PFDN1: variants seen among roughly 807,000 people sequenced by gnomAD.
PFDN1 encodes prefoldin subunit 1.
In PFDN1, 6 loss-of-function variants were observed where a neutral mutation model predicts 17.3. The ratio of observed to expected loss-of-function variants is 0.35; its 90% CI spans 0.19 to 0.69. The LOEUF (loss-of-function observed/expected upper bound fraction) is 0.69. PFDN1 is among the 30% of genes least tolerant of loss of function. The probability of loss-of-function intolerance (pLI) is 0.65; values close to 1 mark genes in which losing one functional copy is unlikely to be tolerated. For synonymous variants in PFDN1, 58 were observed against 50.1 expected (o/e 1.16, Z -0.67); for missense variants, 113 against 146.2 (o/e 0.77, Z 1.17).
Position 140,263,419 on chromosome 5 carries a change from A to C in PFDN1, c.286-17362T>G, listed in dbSNP as rs188680134. Among the ~76,000 whole-genome samples the C allele has an allele frequency of 7.2e-4, 110 of 152,330 alleles. No individual in the cohort carries two copies. In the Middle Eastern group the frequency reaches 0.02, roughly 28 times the overall value. ...TCAACCTAATCTTTACTAATATTAA[A>C]GGTAAAATATATAAAAAGATGGAAT... is the stretch of plus-strand genomic sequence containing the variant. On this transcript the variant is annotated intron_variant, in intron 3 of 3. Coordinates refer to ENST00000261813, the MANE Select transcript of PFDN1 (RefSeq NM_002622.5).
chr5:140,266,855 CTAT>C (rs1340493198), intron 3 of PFDN1, among the ~76,000 whole-genome samples: 20 of 152,362 alleles, frequency 1.3e-4, no homozygotes, highest in Admixed American at 1.2e-3. Context: ...AGAGCTGCTT[CTAT>C]TATTATGAAG....
intron 3 of PFDN1, among the ~76,000 whole-genome samples, chr5:140,255,373 T>C (rs925001016): frequency 2.0e-5 from 3 of 152,188 alleles, no homozygotes; most frequent in African/African-American, 7.2e-5. Context: ...GGGAAGGAGT[T>C]TGAGACCAGC....
rs1765679359 is a variant in PFDN1 at position 140,298,023 on chromosome 5, AT to A, written c.200+2392del. ...AATTATCCTGTAGTGAATGCCAACA[AT>A]GCATTTCATACTACACAGACACATA... On this transcript the variant is annotated intron_variant, in intron 2 of 3. Coordinates refer to ENST00000261813, the MANE Select transcript of PFDN1 (RefSeq NM_002622.5). Among the ~76,000 whole-genome samples, 10 of 152,334 alleles carry A rather than the reference AT, an allele frequency of 6.6e-5. No individual in the cohort carries two copies. In the South Asian group the frequency reaches 2.1e-3, roughly 32 times the overall value.
chr5:140,255,521 C>T (rs1044944965), intron 3 of PFDN1, among the ~76,000 whole-genome samples: 4 of 152,084 alleles, frequency 2.6e-5, no homozygotes, highest in Admixed American at 1.3e-4. Context: ...TGTCTGTAGC[C>T]CCAGCTACTC....
chr5:140,259,970 T>C (rs1206307577), intron 3 of PFDN1, among the ~76,000 whole-genome samples: 1 of 152,172 alleles, frequency 6.6e-6, no homozygotes, highest in East Asian at 1.9e-4. Context: ...TGAAAAGCTG[T>C]TCAACATTAT....
chr5:140,250,258 T>G (rs1461608184), intron 3 of PFDN1, among the ~76,000 whole-genome samples: 1 of 152,150 alleles, frequency 6.6e-6, no homozygotes, highest in Non-Finnish European at 1.5e-5. Flanking sequence ...CTCCAACAAC[T>G]CTTCCCCGTC....
intron 3 of PFDN1, among the ~76,000 whole-genome samples, chr5:140,249,289 T>C (rs1023408589): frequency 7.2e-5 from 11 of 152,188 alleles, no homozygotes; most frequent in Admixed American, 1.3e-4. Context: ...ATCATTAGTG[T>C]CCAAACAAGA....
chr5:140,253,446 C>G (rs1764944447), intron 3 of PFDN1, among the ~76,000 whole-genome samples: 2 of 152,158 alleles, frequency 1.3e-5, no homozygotes, highest in South Asian at 4.1e-4. Flanking sequence ...CTTCAAACAA[C>G]AGTGTTTAGC....
intron 3 of PFDN1, among the ~76,000 whole-genome samples, chr5:140,277,141 A>C (rs2126690049): frequency 6.6e-6 from 1 of 151,698 alleles, no homozygotes; most frequent in South Asian, 2.1e-4. Context: ...CAGGAGAATC[A>C]CTTGTACCCA....
At chr5:140,247,617 G>T (rs1047656300) in intron 3 of PFDN1, among the ~76,000 whole-genome samples, 6 of 152,170 alleles carry the variant, frequency 3.9e-5, no homozygotes, top group Admixed American at 6.5e-5. Context: ...AAGTTGCAGA[G>T]AATTCCTTGG....
At chr5:140,273,160 G>T (rs529248557) in intron 3 of PFDN1, among the ~76,000 whole-genome samples, 1 of 150,984 alleles carries the variant, frequency 6.6e-6, no homozygotes, top group Non-Finnish European at 1.5e-5. Context: ...CAGAAGAATC[G>T]CTTGAACCCA....
intron 2 of PFDN1, among the ~76,000 whole-genome samples, chr5:140,287,878 A>G (rs937991228): frequency 6.6e-6 from 1 of 152,254 alleles, no homozygotes; most frequent in African/African-American, 2.4e-5. Flanking sequence ...AAATAAAATT[A>G]TGAGATACTG....
intron 3 of PFDN1, among the ~76,000 whole-genome samples, chr5:140,251,869 T>G (rs1020081921): frequency 2.0e-5 from 3 of 152,170 alleles, no homozygotes; most frequent in Non-Finnish European, 4.4e-5. Flanking sequence ...CCCTAGAACT[T>G]TTCTGACATG....
intron 2 of PFDN1, among the ~76,000 whole-genome samples, chr5:140,282,782 C>T (rs1561511497): frequency 6.6e-6 from 1 of 152,194 alleles, no homozygotes; most frequent in African/African-American, 2.4e-5. Context: ...ATTTCCCCTC[C>T]ACTGGAACCA....
rs140708028 is a variant in PFDN1 at position 140,245,049 on chromosome 5, C to T, written c.*925G>A. 455 of 195,808 alleles carry T rather than the reference C, an allele frequency of 2.3e-3. 2 individuals are homozygous for T. Among genetic ancestry groups the T allele is most frequent in the Non-Finnish European group, 3.4e-3 (315 of 93,912 alleles). The allele number at this position is 195,808 out of a possible 1,614,324, so 12.1% of individuals were successfully genotyped here. ...GTCAGTGCACAGATAGAGCACAGATCGTGGTCAAATGTAGTAATTAGGGAT... is the reference window on the plus strand; with the variant it reads ...GTCAGTGCACAGATAGAGCACAGATTGTGGTCAAATGTAGTAATTAGGGAT... On this transcript the variant is annotated 3_prime_UTR_variant, in exon 4 of 4. Coordinates refer to ENST00000261813, the MANE Select transcript of PFDN1 (RefSeq NM_002622.5).
chr5:140,293,205 AC>A (rs1161891615), intron 2 of PFDN1: 1 of 151,558 alleles, frequency 6.6e-6, no homozygotes, highest in East Asian at 1.9e-4. Flanking sequence ...GGTACTTTTC[AC>A]CTTTCGCTCA....
chr5:140,291,679 GA>G (rs200080995), intron 2 of PFDN1, among the ~76,000 whole-genome samples: 12 of 142,652 alleles, frequency 8.4e-5, no homozygotes, highest in African/African-American at 2.3e-4. Flanking sequence ...CAAAAAAAAA[GA>G]AAAAAAAAAT....
chr5:140,298,777 A>C (rs1765690381), intron 2 of PFDN1, among the ~76,000 whole-genome samples: 1 of 151,206 alleles, frequency 6.6e-6, no homozygotes, highest in African/African-American at 2.4e-5. Flanking sequence ...TTTTTGAGGC[A>C]GAGTTTCACT....
chr5:140,297,988 TTAAG>T lies in PFDN1; in HGVS notation c.200+2424_200+2427del, dbSNP rs1765678740. Among the ~76,000 whole-genome samples, 10 of 152,342 alleles carry T rather than the reference TTAAG, an allele frequency of 6.6e-5. No homozygotes were observed. In the South Asian group the frequency reaches 2.1e-3, roughly 32 times the overall value. ...GTTTTAAGACCTAAGGATATTCACA[TTAAG>T]GATAAAATTATCCTGTAGTGAATGC... On this transcript the variant is annotated intron_variant, in intron 2 of 3. Coordinates refer to ENST00000261813, the MANE Select transcript of PFDN1 (RefSeq NM_002622.5).
Sources: allele counts gnomAD v4.1 joint callset (sites outside exome capture counted in the v4.1 genomes callset), GRCh38; gene constraint gnomAD v4.1.1; transcripts MANE v1.5; gene names NCBI Gene and HGNC (gene_info 2026-07-23, HGNC 2026-07-21).